Variants in GNG4 observed in about 807,000 individuals in gnomAD.
GNG4 encodes guanine nucleotide-binding protein G(I)/G(S)/G(O) subunit gamma-4.
GNG4 carries 4 observed loss-of-function variants against 5.8 expected under a neutral mutation model. The ratio of observed to expected loss-of-function variants is 0.69; its 90% CI spans 0.34 to 1.57. The LOEUF is 1.57. Among genes scored for constraint, GNG4 ranks in the 40% most tolerant of loss-of-function variants. The pLI is 0.06. For missense variants in GNG4, 96 were observed against 95.1 expected, an observed-to-expected ratio of 1.01 and a Z score of -0.04; for synonymous variants, 29 against 32.9, an observed-to-expected ratio of 0.88 and a Z score of 0.41.
intron 3 of GNG4, among the ~76,000 whole-genome samples, chr1:235,571,026 C>T (rs1558478828): frequency 7.0e-6 from 1 of 142,558 alleles, no homozygotes; most frequent in Non-Finnish European, 1.5e-5. Context: ...GTTTCAAGCT[C>T]CTGTGCTCAG....
intron 2 of GNG4, among the ~76,000 whole-genome samples, chr1:235,594,643 T>TGGGG (rs1200316892): frequency 9.2e-5 from 14 of 152,144 alleles, no homozygotes; most frequent in Admixed American, 2.0e-4. Flanking sequence ...GCTAAGCCCC[T>TGGGG]CACTGCCCGG....
intron 2 of GNG4, among the ~76,000 whole-genome samples, chr1:235,589,664 T>C (rs1355502438): frequency 1.3e-5 from 2 of 152,142 alleles, no homozygotes; most frequent in Non-Finnish European, 2.9e-5. Context: ...AGGGGAAATC[T>C]GCAGGGACTC....
intron 1 of GNG4, among the ~76,000 whole-genome samples, chr1:235,607,999 G>A (rs377003298): frequency 7.3e-5 from 11 of 150,344 alleles, no homozygotes; most frequent in South Asian, 6.3e-4. Flanking sequence ...GTGCGGTGGC[G>A]TGATCTTGGC....
intron 1 of GNG4, among the ~76,000 whole-genome samples, chr1:235,643,875 A>G (rs1415858519): frequency 6.6e-6 from 1 of 152,254 alleles, no homozygotes; most frequent in African/African-American, 2.4e-5. Context: ...ACCCTAGCAC[A>G]AGGAGAGGGT....
At chr1:235,592,592 C>A (rs1452668085) in intron 2 of GNG4, among the ~76,000 whole-genome samples, 1 of 152,018 alleles carries the variant, frequency 6.6e-6, no homozygotes, top group African/African-American at 2.4e-5. Context: ...TTTGCCGACC[C>A]CAACATTTTA....
chr1:235,555,604 G>A (rs528588872), intron 3 of GNG4, among the ~76,000 whole-genome samples: 3 of 151,568 alleles, frequency 2.0e-5, no homozygotes, highest in African/African-American at 4.8e-5. Flanking sequence ...GCTTGAGTCC[G>A]GGAGTTCAAG....
intron 1 of GNG4, among the ~76,000 whole-genome samples, chr1:235,641,316 G>T (rs1041434229): frequency 2.0e-5 from 3 of 152,174 alleles, no homozygotes; most frequent in African/African-American, 7.2e-5. Context: ...CTTGAACTGG[G>T]GAGCTCAAGA....
intron 2 of GNG4, among the ~76,000 whole-genome samples, chr1:235,587,872 G>C (rs962497423): frequency 6.6e-6 from 1 of 150,896 alleles, no homozygotes; most frequent in African/African-American, 2.4e-5. Flanking sequence ...GTGTGTGAGA[G>C]GGTGTGGGGG....
In GNG4 at chr1:235,563,283, C is replaced by T. The variant is rs1687113066; in HGVS notation, c.100-11046G>A. The stretch of plus-strand genomic sequence containing the variant: ...ACTAAAATTACAAAAATTAGCCGGG[C>T]GTAGCGGTGCGCACCTGTAGTCCCA... On this transcript the variant is annotated intron_variant, in intron 3 of 3. Transcript: ENST00000391854. Among the ~76,000 whole-genome samples the T allele has an allele frequency of 3.3e-5, 5 of 151,622 alleles. No individual in the cohort carries two copies. In the South Asian group the frequency reaches 8.3e-4, roughly 25 times the overall value.
At chr1:235,595,970 C>T (rs1023329877) in intron 1 of GNG4, among the ~76,000 whole-genome samples, 2 of 145,950 alleles carry the variant, frequency 1.4e-5, no homozygotes, top group Admixed American at 6.9e-5. Context: ...GTCAGGAGAT[C>T]GAGACCATCT....
Position 235,583,729 on chromosome 1 carries a change from T to G in GNG4, c.99+11A>C. 1 of 1,572,216 alleles carries G rather than the reference T, an allele frequency of 6.4e-7. No homozygotes were observed. The highest frequency in any genetic ancestry group is 8.8e-7 in the Non-Finnish European group (1 of 1,142,376). ...TCGGGCGGAGGGTGGGGCTGACGCA[T>G]GCATGCTTACCTTGACCCTGTCCAT... On this transcript the variant is annotated intron_variant, in intron 3 of 3. Coordinates refer to ENST00000391854, the MANE Select transcript of GNG4 (RefSeq NM_001098722.2).
chr1:235,567,880 T>C (rs777778316), intron 3 of GNG4, among the ~76,000 whole-genome samples: 3 of 152,176 alleles, frequency 2.0e-5, no homozygotes, highest in Non-Finnish European at 4.4e-5. Flanking sequence ...TGATTTGGGC[T>C]CTGTGGAATC....
At chr1:235,597,992 T>G (rs1002639408) in intron 1 of GNG4, among the ~76,000 whole-genome samples, 3 of 152,266 alleles carry the variant, frequency 2.0e-5, no homozygotes, top group South Asian at 2.1e-4. Flanking sequence ...ACAGAACCAC[T>G]GAGGCAACTG....
chr1:235,619,877 A>G (rs917481445), intron 1 of GNG4, among the ~76,000 whole-genome samples: 4 of 152,234 alleles, frequency 2.6e-5, no homozygotes, highest in African/African-American at 7.2e-5. Context: ...TAAAAATAAT[A>G]GCCTTTGTTT....
intron 1 of GNG4, among the ~76,000 whole-genome samples, chr1:235,623,015 G>C (rs1314864451): frequency 1.3e-5 from 2 of 151,926 alleles, no homozygotes; most frequent in Non-Finnish European, 2.9e-5. Context: ...ACTCCACCCT[G>C]GGCAACAGAG....
chr1:235,566,921 T>C (rs1687211480), intron 3 of GNG4: 1 of 151,952 alleles, frequency 6.6e-6, no homozygotes, highest in Middle Eastern at 3.4e-3. Flanking sequence ...GATAACTTTG[T>C]CTTGAAAGCA....
chr1:235,612,166 A>G (rs568000097), intron 1 of GNG4, among the ~76,000 whole-genome samples: 27 of 151,860 alleles, frequency 1.8e-4, no homozygotes, highest in African/African-American at 5.5e-4. Context: ...GATGGAAGAC[A>G]GCCCCTCTTT....
intron 1 of GNG4, among the ~76,000 whole-genome samples, chr1:235,608,445 A>T (rs1688408625): frequency 6.6e-6 from 1 of 152,220 alleles, no homozygotes; most frequent in Non-Finnish European, 1.5e-5. Context: ...AACCACCAAC[A>T]CTATTTAGTT....
At position 235,626,958 on chromosome 1, in the gene GNG4, C is replaced by CAAAAAAAAAAA. The variant is rs776506587; in HGVS notation, c.-123+22693_-123+22703dup. Among the ~76,000 whole-genome samples, 7 of 77,390 alleles carry CAAAAAAAAAAA rather than the reference C, an allele frequency of 9.0e-5. 1 individual carries two copies. The highest frequency in any genetic ancestry group is 2.0e-4 in the African/African-American group (4 of 20,186). The allele number at this position is 77,390 out of a possible 152,430, so 50.8% of individuals were successfully genotyped here. ...TGGGTGACAGAGTGAGACTCTATCT[C>CAAAAAAAAAAA]AAAAAAAAAAAAAAAAAAAAAAAAA... On this transcript the variant is annotated intron_variant, in intron 1 of 3. Transcript: ENST00000391854.
Sources: gnomAD v4.1 joint callset for allele counts (sites outside exome capture counted in the v4.1 genomes callset) on GRCh38, gnomAD v4.1.1 for gene constraint, MANE v1.5 for transcripts, NCBI Gene and HGNC (gene_info 2026-07-23, HGNC 2026-07-21) for gene names.